The following FEM1C variants were observed in gnomAD, a reference collection of about 807,000 sequenced individuals.
FEM1C encodes protein fem-1 homolog C.
Under a neutral mutation model 37.6 loss-of-function variants are expected in FEM1C, and 15 were observed. The observed-to-expected ratio is 0.40, with a 90% CI of 0.27 to 0.61. The LOEUF (loss-of-function observed/expected upper bound fraction) is 0.61, where lower values mean the gene tolerates loss of function less well. Among genes scored for constraint, FEM1C ranks in the 20% least tolerant of loss-of-function variants. The pLI is 0.42. For missense variants in FEM1C, 532 were observed against 749.7 expected, an observed-to-expected ratio of 0.71 and a Z score of 3.39; for synonymous variants, 287 against 272.8, an observed-to-expected ratio of 1.05 and a Z score of -0.51.
intron 2 of FEM1C, among the ~76,000 whole-genome samples, chr5:115,525,901 A>T (rs938529084): frequency 1.3e-5 from 2 of 152,178 alleles, no homozygotes; most frequent in Non-Finnish European, 2.9e-5. Flanking sequence ...ATTTTTCATT[A>T]ATGTTTTAAA....
intron 2 of FEM1C, among the ~76,000 whole-genome samples, chr5:115,532,429 T>C (rs1034208855): frequency 1.3e-5 from 2 of 151,974 alleles, no homozygotes; most frequent in African/African-American, 4.8e-5. Context: ...TTTTAATTAC[T>C]CTAACAGGTT....
intron 2 of FEM1C, among the ~76,000 whole-genome samples, chr5:115,526,061 A>G (rs1175512014): frequency 2.0e-5 from 3 of 151,332 alleles, no homozygotes; most frequent in Admixed American, 1.3e-4. Flanking sequence ...AGGTCTTGCT[A>G]TGTTGCCCAG....
At chr5:115,527,938 T>C (rs1272213468) in intron 2 of FEM1C, among the ~76,000 whole-genome samples, 3 of 147,050 alleles carry the variant, frequency 2.0e-5, no homozygotes, top group Non-Finnish European at 4.5e-5. Flanking sequence ...GAGGTGGAGG[T>C]TGCAGTAAGC....
chr5:115,542,672 T>C (rs1580386717), intron 2 of FEM1C, among the ~76,000 whole-genome samples: 1 of 152,216 alleles, frequency 6.6e-6, no homozygotes, highest in East Asian at 1.9e-4. Flanking sequence ...ACCACTAACA[T>C]GCTCTGTAAC....
chr5:115,540,476 A>G (rs1754217296), intron 2 of FEM1C, among the ~76,000 whole-genome samples: 1 of 152,118 alleles, frequency 6.6e-6, no homozygotes, highest in Non-Finnish European at 1.5e-5. Context: ...AAAGACATAC[A>G]TATTAGATAC....
rs527736301 is a variant in FEM1C, at chr5:115,544,272, C to A, written c.-191+251G>T. 2.0e-4 allele frequency: 138 copies of A among 699,024 alleles called. 1 individual carries two copies. In the Middle Eastern group the frequency reaches 4.4e-3, roughly 22 times the overall value. The allele number at this position is 699,024 out of a possible 1,614,324, so 43.3% of individuals were successfully genotyped here. ...CATTTCGATCACCCCCCACCCCCCG[C>A]CAAGGGATGATCCGCAGGTTCCTCA... On this transcript the variant is annotated intron_variant, in intron 1 of 2. Coordinates refer to ENST00000274457, the MANE Select transcript of FEM1C (RefSeq NM_020177.3).
chr5:115,531,322 T>C (rs1040165432), intron 2 of FEM1C, among the ~76,000 whole-genome samples: 4 of 152,164 alleles, frequency 2.6e-5, no homozygotes, highest in Admixed American at 2.0e-4. Flanking sequence ...ATCTTTGAGA[T>C]GGCCTTCAAA....
chr5:115,530,992 A>G (rs1754003272), intron 2 of FEM1C, among the ~76,000 whole-genome samples: 1 of 152,010 alleles, frequency 6.6e-6, no homozygotes, highest in African/African-American at 2.4e-5. Context: ...CGAATACAGC[A>G]TTTTTTTATA....
intron 2 of FEM1C, among the ~76,000 whole-genome samples, chr5:115,535,904 T>C (rs1754115802): frequency 6.6e-6 from 1 of 152,034 alleles, no homozygotes; most frequent in Non-Finnish European, 1.5e-5. Context: ...AAAGCACTCA[T>C]ACATGCTACA....
In FEM1C at chr5:115,525,121, G is replaced by A. The variant is rs755085545; in HGVS notation, c.1041C>T (p.Val347=). ...GTTTGAAATTTCCAGAGTCTGCATA[G>A]ACAGCGCCTCTATATCTAATATAGT... ...TSYYIRYRGA[V]YADSGNFKRC... Residue 347 remains valine, a synonymous_variant, in exon 3 of 3, where the codon GTC becomes GTT. Coordinates refer to ENST00000274457, the MANE Select transcript of FEM1C (RefSeq NM_020177.3). The A allele has an allele frequency of 9.3e-6, 15 of 1,613,702 alleles. No homozygotes were observed. The East Asian group carries it at 3.1e-4, about 34-fold the overall frequency.
chr5:115,527,781 T>C (rs1292559040), intron 2 of FEM1C, among the ~76,000 whole-genome samples: 7 of 152,094 alleles, frequency 4.6e-5, no homozygotes, highest in East Asian at 3.9e-4. Context: ...GGTGGGCAGA[T>C]TATGAAGTCA....
chr5:115,543,732 G>A, intron 1 of FEM1C, 49 bp from the exon 2 acceptor site: 2 of 1,311,856 alleles, frequency 1.5e-6, no homozygotes, highest in Non-Finnish European at 1.9e-6. Context: ...TATAGAAGAA[G>A]GCAAAACACT....
chr5:115,539,926 C>T lies in FEM1C; in HGVS notation c.544+3024G>A, dbSNP rs184958389. 2.3e-3 allele frequency among the ~76,000 whole-genome samples: 348 copies of T among 152,174 alleles called. 4 individuals are homozygous for T. Among genetic ancestry groups the T allele is most frequent in the Admixed American group, 3.7e-3 (56 of 15,280 alleles). On this transcript the variant is annotated intron_variant, in intron 2 of 2. Coordinates refer to ENST00000274457, the MANE Select transcript of FEM1C (RefSeq NM_020177.3). ...AAATAACATGTTCAAATATCAACCG[C>T]CTGTTTAAAAGTAATGGAATGTAGA... is the stretch of plus-strand genomic sequence containing the variant.
chr5:115,525,247 T>A lies in FEM1C; in HGVS notation c.915A>T (p.Ala305=). ...CAGCAATAAGACCTTCTAGCTCTTCTGCACTGTTCACTTCCTTGGCATAAT... is the reference window on the plus strand; with the variant it reads ...CAGCAATAAGACCTTCTAGCTCTTCAGCACTGTTCACTTCCTTGGCATAAT... ...AYDYAKEVNS[A]EELEGLIADP... is the part of the protein sequence containing the mutation. The change falls in exon 3 of 3, where the codon GCA becomes GCT. Residue 305 remains alanine (A), a synonymous_variant. Coordinates refer to ENST00000274457, the MANE Select transcript of FEM1C (RefSeq NM_020177.3). 6.2e-7 allele frequency: 1 copy of A among 1,613,708 alleles called. No homozygotes were observed. The highest frequency in any genetic ancestry group is 8.5e-7 in the Non-Finnish European group (1 of 1,179,826).
chr5:115,535,759 A>T (rs1754112361), intron 2 of FEM1C, among the ~76,000 whole-genome samples: 1 of 152,040 alleles, frequency 6.6e-6, no homozygotes, highest in South Asian at 2.1e-4. Context: ...GCCTGAGAGA[A>T]ATGAAAACAT....
chr5:115,524,632 A>C lies in FEM1C; in HGVS notation c.1530T>G (p.Val510=). ...CACCACATTCTATCAGTATTGCAGT[A>C]ACTTGTAGAGATGGAAATTTACAAA... ...YPVCKFPSLQ[V]TAILIECGAD... is the part of the protein sequence containing the mutation. The change falls in exon 3 of 3, where the codon GTT becomes GTG. Residue 510 remains valine, a synonymous_variant. Transcript: ENST00000274457. The C allele has an allele frequency of 6.3e-7, 1 of 1,586,210 alleles. No homozygotes were observed. The highest frequency in any genetic ancestry group is 8.6e-7 in the Non-Finnish European group (1 of 1,168,900).
chr5:115,542,648 G>C (rs1480808242), intron 2 of FEM1C, among the ~76,000 whole-genome samples: 2 of 151,568 alleles, frequency 1.3e-5, no homozygotes, highest in East Asian at 3.9e-4. Flanking sequence ...TAAGCCTAAA[G>C]GCTCAGATCA....
rs369935915 is a variant in FEM1C, at chr5:115,524,596, G to A, written c.1566C>T (p.Asn522=). The A allele has an allele frequency of 1.6e-5, 26 of 1,611,020 alleles. No individual in the cohort carries two copies. Among genetic ancestry groups the A allele is most frequent in the South Asian group, 8.8e-5 (8 of 90,548 alleles). Reference sequence around the variant, plus strand: ...GACTGTTGTCATCCGAGTCTCTGACGTTCACATCAGCACCACATTCTATCA... The same window carrying A: ...GACTGTTGTCATCCGAGTCTCTGACATTCACATCAGCACCACATTCTATCA... ...AILIECGADV[N]VRDSDDNSPL... The change falls in exon 3 of 3, where the codon AAC becomes AAT. Residue 522 remains asparagine (N), a synonymous_variant. Coordinates refer to ENST00000274457, the MANE Select transcript of FEM1C (RefSeq NM_020177.3).
chr5:115,528,024 A>G lies in FEM1C; in HGVS notation c.545-2407T>C, dbSNP rs531344055. On this transcript the variant is annotated intron_variant, in intron 2 of 2. Transcript: ENST00000274457. ...CAGAAAAAAAAAAAAAAAAAAAGGT[A>G]GCAAAAGCCAATTAAATGAACTCTA... 4.1e-3 allele frequency among the ~76,000 whole-genome samples: 607 copies of G among 147,836 alleles called. 1 individual carries two copies. Among genetic ancestry groups the G allele is most frequent in the Non-Finnish European group, 7.4e-3 (497 of 66,834 alleles).
Sources: allele counts gnomAD v4.1 joint callset (sites outside exome capture counted in the v4.1 genomes callset), GRCh38; gene constraint gnomAD v4.1.1; transcripts MANE v1.5; gene names NCBI Gene and HGNC (gene_info 2026-07-23, HGNC 2026-07-21).